EPHB1: variants seen among roughly 807,000 people sequenced by gnomAD.
The protein encoded by EPHB1 is ephrin type-B receptor 1.
A neutral mutation model predicts 94.4 loss-of-function variants in EPHB1; 30 were observed. The observed-to-expected ratio is 0.32, with a 90% CI of 0.24 to 0.43. EPHB1 has a LOEUF of 0.43. Among genes scored for constraint, EPHB1 ranks in the 20% least tolerant of loss-of-function variants. The probability of loss-of-function intolerance (pLI) is 1.00; values close to 1 mark genes in which losing one functional copy is unlikely to be tolerated. For synonymous variants in EPHB1, 522 were observed against 489.1 expected (o/e 1.07, Z -0.89); for missense variants, 1,055 against 1,308.3 (o/e 0.81, Z 2.99).
rs574543778 is a variant in EPHB1, at chr3:135,004,751, C to T, written c.805+52699C>T. On this transcript the variant is annotated intron_variant, in intron 3 of 15. Coordinates refer to ENST00000398015, the MANE Select transcript of EPHB1 (RefSeq NM_004441.5). ...TACCCTTTCTTCCAGTTGATTGCATCGGCTCCTGAGGCTTCTGCATTCTTC... is the reference window on the plus strand; with the variant it reads ...TACCCTTTCTTCCAGTTGATTGCATTGGCTCCTGAGGCTTCTGCATTCTTC... 1.1e-4 allele frequency among the ~76,000 whole-genome samples: 16 copies of T among 151,868 alleles called. No homozygotes were observed. In the East Asian group the frequency reaches 1.9e-3, roughly 18 times the overall value.
chr3:135,089,052 T>A (rs1938467900), intron 3 of EPHB1, among the ~76,000 whole-genome samples: 2 of 152,238 alleles, frequency 1.3e-5, no homozygotes, highest in South Asian at 4.1e-4. Context: ...TTGCTTTCCA[T>A]GGCTCTAAGT....
At chr3:135,187,164 C>G (rs1191329195) in intron 10 of EPHB1, among the ~76,000 whole-genome samples, 1 of 152,038 alleles carries the variant, frequency 6.6e-6, no homozygotes, top group Non-Finnish European at 1.5e-5. Flanking sequence ...AGGAGAGGAC[C>G]CAATGTCAGA....
intron 12 of EPHB1, among the ~76,000 whole-genome samples, chr3:135,226,005 G>A (rs1943388017): frequency 1.3e-5 from 2 of 152,208 alleles, no homozygotes; most frequent in Admixed American, 6.5e-5. Context: ...AGTCAGTGGG[G>A]AAAGAACAGG....
chr3:135,105,194 C>G (rs1939165705), intron 3 of EPHB1, among the ~76,000 whole-genome samples: 1 of 152,172 alleles, frequency 6.6e-6, no homozygotes, highest in East Asian at 1.9e-4. Context: ...TAAGTAGAAA[C>G]CATTATAATG....
chr3:135,170,354 C>T (rs1422801186), intron 9 of EPHB1, among the ~76,000 whole-genome samples: 3 of 152,138 alleles, frequency 2.0e-5, no homozygotes, highest in African/African-American at 4.8e-5. Flanking sequence ...GTTTAATGTT[C>T]CTCCTCAGAA....
Position 135,248,666 on chromosome 3 carries a change from CAGG to C in EPHB1, c.2690+160_2690+162del, listed in dbSNP as rs544910966. ...GGAGAGCAACATGCATGAAGAAAGA[CAGG>C]AGAACATTGCAATGATCATGATAGA... On this transcript the variant is annotated intron_variant, in intron 14 of 15. Coordinates refer to ENST00000398015, the MANE Select transcript of EPHB1 (RefSeq NM_004441.5). 5.9e-5 allele frequency among the ~76,000 whole-genome samples: 9 copies of C among 151,974 alleles called. No homozygotes were observed. The South Asian group carries it at 1.9e-3, about 32-fold the overall frequency.
intron 2 of EPHB1, among the ~76,000 whole-genome samples, chr3:134,929,375 G>A (rs1486307067): frequency 6.6e-6 from 1 of 152,186 alleles, no homozygotes; most frequent in Non-Finnish European, 1.5e-5. Context: ...CTGCAGAGAG[G>A]CTGGGCATAT....
intron 4 of EPHB1, among the ~76,000 whole-genome samples, chr3:135,123,997 C>T (rs1354177831): frequency 6.6e-6 from 1 of 151,678 alleles, no homozygotes; most frequent in Admixed American, 6.6e-5. Flanking sequence ...TACAGTAACA[C>T]CTCATTTACA....
intron 1 of EPHB1, among the ~76,000 whole-genome samples, chr3:134,830,152 C>G (rs1033542739): frequency 6.6e-6 from 1 of 152,198 alleles, no homozygotes; most frequent in Admixed American, 6.5e-5. Flanking sequence ...CTCCCCTGCA[C>G]ACATATGTGC....
intron 3 of EPHB1, among the ~76,000 whole-genome samples, chr3:134,989,779 T>C (rs1244560486): frequency 6.6e-6 from 1 of 152,200 alleles, no homozygotes; most frequent in Non-Finnish European, 1.5e-5. Flanking sequence ...CCACAAGATA[T>C]ACTCTTTCCT....
intron 9 of EPHB1, among the ~76,000 whole-genome samples, chr3:135,176,812 A>G (rs536584869): frequency 1.3e-5 from 2 of 152,150 alleles, no homozygotes; most frequent in Non-Finnish European, 2.9e-5. Flanking sequence ...CAAACCATTC[A>G]TTACCGCATA....
intron 12 of EPHB1, among the ~76,000 whole-genome samples, chr3:135,202,131 A>C (rs773039675): frequency 6.6e-6 from 1 of 152,204 alleles, no homozygotes; most frequent in East Asian, 1.9e-4. Flanking sequence ...ATTGCTTCCA[A>C]ATAGCTCTAA....
chr3:134,970,944 C>T (rs888314585), intron 3 of EPHB1, among the ~76,000 whole-genome samples: 1 of 152,136 alleles, frequency 6.6e-6, no homozygotes, highest in Admixed American at 6.5e-5. Flanking sequence ...AAGCTTTATC[C>T]TTTTCTCACC....
At chr3:135,121,420 A>G (rs1939957345) in intron 4 of EPHB1, among the ~76,000 whole-genome samples, 1 of 152,254 alleles carries the variant, frequency 6.6e-6, no homozygotes, top group Non-Finnish European at 1.5e-5. Context: ...AATAATGTCC[A>G]GAACAAGGAA....
At chr3:135,235,681 G>C (rs796816965) in intron 12 of EPHB1, among the ~76,000 whole-genome samples, 5 of 152,316 alleles carry the variant, frequency 3.3e-5, no homozygotes, top group African/African-American at 1.2e-4. Context: ...GGCCTTCTGA[G>C]TAATCAAAGA....
chr3:135,193,778 G>GC (rs771755872), intron 11 of EPHB1, among the ~76,000 whole-genome samples: 294 of 152,360 alleles, frequency 1.9e-3, no homozygotes, highest in Admixed American at 3.3e-3. Flanking sequence ...TGGATGCTGT[G>GC]CCTATAGAGA....
At chr3:134,827,565 G>C (rs2036507027) in intron 1 of EPHB1, among the ~76,000 whole-genome samples, 1 of 152,232 alleles carries the variant, frequency 6.6e-6, no homozygotes. Flanking sequence ...GACTACAGCA[G>C]AAACAGGGAG....
chr3:134,923,270 T>G (rs919326628), intron 1 of EPHB1, among the ~76,000 whole-genome samples: 3 of 152,230 alleles, frequency 2.0e-5, no homozygotes, highest in African/African-American at 7.2e-5. Flanking sequence ...ATTCCCAGTT[T>G]GAGCCCCTGT....
intron 3 of EPHB1, among the ~76,000 whole-genome samples, chr3:135,069,367 C>T (rs1937633023): frequency 6.6e-6 from 1 of 152,132 alleles, no homozygotes; most frequent in Admixed American, 6.5e-5. Context: ...TGCTACTCTT[C>T]TGTCAGGCTT....
Sources: gnomAD v4.1 joint callset for allele counts (sites outside exome capture counted in the v4.1 genomes callset) on GRCh38, gnomAD v4.1.1 for gene constraint, MANE v1.5 for transcripts, NCBI Gene and HGNC (gene_info 2026-07-23, HGNC 2026-07-21) for gene names.